Variants in APAF1 observed in about 807,000 individuals in gnomAD.
APAF1 encodes the protein apoptotic peptidase activating factor 1.
Under a neutral mutation model 152.4 loss-of-function variants are expected in APAF1, and 91 were observed. The observed-to-expected ratio is 0.60, with a 90% CI of 0.50 to 0.71. APAF1 has a LOEUF of 0.71. Among genes scored for constraint, APAF1 ranks in the 30% least tolerant of loss-of-function variants. APAF1 has a pLI of 0.00. For missense variants in APAF1, 1,283 were observed against 1,472.0 expected, an observed-to-expected ratio of 0.87 and a Z score of 2.10; for synonymous variants, 484 against 494.1, an observed-to-expected ratio of 0.98 and a Z score of 0.27.
intron 8 of APAF1, 90 bp downstream of exon 8, chr12:98,665,881 AG>A: frequency 8.5e-7 from 1 of 1,180,616 alleles, no homozygotes; most frequent in Non-Finnish European, 1.3e-6. Context: ...GAACCTTGGA[AG>A]GATAAGACCC....
rs770735285 is a variant in APAF1, at chr12:98,708,693, A to C, written c.2830A>C (p.Arg944=). 6.2e-7 allele frequency: 1 copy of C among 1,613,642 alleles called. No homozygotes were observed. The highest frequency in any genetic ancestry group is 1.1e-5 in the South Asian group (1 of 91,002). ...EVMVLAVDHI[R]RLQLINGRTG... ...GATGGTCCTTGCAGTTGACCATATA[A>C]GACGTCTGCAAGTGAGTATTTTTTA... The change falls in exon 20 of 27, where the codon AGA becomes CGA. Residue 944 remains arginine, a synonymous_variant. Transcript: ENST00000551964.
At chr12:98,696,371 C>G (rs1343012970) in intron 16 of APAF1, among the ~76,000 whole-genome samples, 1 of 152,158 alleles carries the variant, frequency 6.6e-6, no homozygotes, top group Non-Finnish European at 1.5e-5. Flanking sequence ...CTCTTGAGAA[C>G]TAATCCATTC....
Position 98,699,429 on chromosome 12 carries a change from A to G in APAF1, c.2326A>G (p.Asn776Asp). 6.2e-7 allele frequency: 1 copy of G among 1,614,138 alleles called. No individual in the cohort carries two copies. The highest frequency in any genetic ancestry group is 8.5e-7 in the Non-Finnish European group (1 of 1,180,010). Reference protein sequence around the residue: ...TLKLWDATSANERKSINVKQF... With the variant: ...TLKLWDATSADERKSINVKQF... The stretch of plus-strand genomic sequence containing the variant: ...AAAGCTTTGGGATGCGACATCAGCA[A>G]ATGAGAGGAAAAGCATTAATGTGAA... The change falls in exon 17 of 27, where the codon AAT becomes GAT. Residue 776 changes from asparagine to aspartate, a missense_variant. Asn to Asp is a conservative substitution (Grantham distance 23, BLOSUM62 1). Transcript: ENST00000551964.
intron 23 of APAF1, 94 bp from the exon 24 acceptor site, chr12:98,723,545 T>C: frequency 8.0e-7 from 1 of 1,245,324 alleles, no homozygotes; most frequent in South Asian, 1.3e-5. Flanking sequence ...TTAAAACTCT[T>C]GTTTTATAGA....
chr12:98,716,381 C>T (rs2097734778), intron 22 of APAF1, among the ~76,000 whole-genome samples: 1 of 152,220 alleles, frequency 6.6e-6, no homozygotes, highest in Non-Finnish European at 1.5e-5. Flanking sequence ...TTAGATCCTT[C>T]CTGTTACTAT....
At chr12:98,680,551 T>A in intron 14 of APAF1, 149 bp downstream of exon 14, 1 of 884,944 alleles carries the variant, frequency 1.1e-6, no homozygotes, top group Non-Finnish European at 1.7e-6. Context: ...ATCTGAAAAT[T>A]CTTTACTTTT....
intron 12 of APAF1, among the ~76,000 whole-genome samples, chr12:98,676,564 T>C (rs901428846): frequency 3.3e-5 from 5 of 152,210 alleles, no homozygotes; most frequent in African/African-American, 1.2e-4. Context: ...GGTGGAATAG[T>C]TGATATTCAT....
chr12:98,673,450 A>AC (rs1412087313), intron 12 of APAF1, among the ~76,000 whole-genome samples: 3 of 151,926 alleles, frequency 2.0e-5, no homozygotes, highest in East Asian at 1.9e-4. Flanking sequence ...AACAAAAAAA[A>AC]AAAAAACAAA....
intron 4 of APAF1, among the ~76,000 whole-genome samples, chr12:98,656,066 A>AGCC (rs1266546245): frequency 6.6e-6 from 1 of 152,036 alleles, no homozygotes; most frequent in Non-Finnish European, 1.5e-5. Context: ...TACAGGCATG[A>AGCC]GCCACCGCGC....
rs913728516 is a variant in APAF1 at position 98,667,548 on chromosome 12, A to G, written c.1398A>G (p.Arg466=). The G allele has an allele frequency of 1.2e-6, 2 of 1,614,064 alleles. No homozygotes were observed. The highest frequency in any genetic ancestry group is 1.7e-6 in the Non-Finnish European group (2 of 1,179,998). The change falls in exon 10 of 27, where the codon AGA becomes AGG. Residue 466 remains arginine (R), a synonymous_variant. Coordinates refer to ENST00000551964, the MANE Select transcript of APAF1 (RefSeq NM_181861.2). ...AGAAGATAATCACTCAGTTTCAGAG[A>G]TATCACCAGCCGCATACTCTTTCAC... The part of the protein sequence containing the change: ...LHKKIITQFQ[R]YHQPHTLSPD...
chr12:98,666,283 G>A lies in APAF1; in HGVS notation c.1288G>A (p.Gly430Arg), dbSNP rs552032520. ...GTCTCTTTTATTCTGTGATCGGAAT[G>A]GAAAGTCGTTTCGTTATTATTTACA... Reference protein sequence around the residue: ...NKSLLFCDRNGKSFRYYLHDL... With the variant: ...NKSLLFCDRNRKSFRYYLHDL... The change falls in exon 9 of 27, where the codon GGA becomes AGA. Residue 430 changes from glycine (G) to arginine (R), a missense_variant. Transcript: ENST00000551964. 3.1e-6 allele frequency: 5 copies of A among 1,613,764 alleles called. No homozygotes were observed. The Admixed American group carries it at 8.3e-5, about 27-fold the overall frequency.
intron 4 of APAF1, among the ~76,000 whole-genome samples, chr12:98,654,785 G>A (rs1181198207): frequency 8.1e-6 from 1 of 123,316 alleles, no homozygotes; most frequent in Non-Finnish European, 1.8e-5. Context: ...GTCTGTTTTT[G>A]TTTGTTTAAA....
chr12:98,666,097 A>T, intron 8 of APAF1, 93 bp from the exon 9 acceptor site: 2 of 1,214,212 alleles, frequency 1.6e-6, no homozygotes, highest in Non-Finnish European at 2.4e-6. Context: ...TCAGGGCTTT[A>T]AGATACCGTT....
chr12:98,680,179 A>C (rs2097690820), intron 13 of APAF1, 98 bp from the exon 14 acceptor site: 1 of 1,341,104 alleles, frequency 7.5e-7, no homozygotes, highest in African/African-American at 1.5e-5. Flanking sequence ...TCTGTTTTGC[A>C]AAATGACAAT....
At chr12:98,662,142 G>A (rs897046927) in intron 5 of APAF1, among the ~76,000 whole-genome samples, 5 of 143,392 alleles carry the variant, frequency 3.5e-5, no homozygotes, top group African/African-American at 1.3e-4. Context: ...GGATAGTAAT[G>A]GTCGCTTTTT....
intron 4 of APAF1, among the ~76,000 whole-genome samples, chr12:98,653,250 CCTTTT>C (rs1231684562): frequency 2.0e-5 from 3 of 151,958 alleles, no homozygotes; most frequent in Non-Finnish European, 2.9e-5. Flanking sequence ...TATTGCAAAA[CCTTTT>C]CTTTTAAAAG....
intron 26 of APAF1, among the ~76,000 whole-genome samples, chr12:98,729,068 G>A (rs1027026842): frequency 1.3e-5 from 2 of 152,226 alleles, no homozygotes; most frequent in African/African-American, 4.8e-5. Context: ...CTAAAGTTTA[G>A]AAGGGGTCTG....
intron 7 of APAF1, 118 bp from the exon 8 acceptor site, chr12:98,665,435 A>G (rs2097671445): frequency 3.8e-6 from 3 of 786,232 alleles, no homozygotes; most frequent in Non-Finnish European, 6.7e-6. Flanking sequence ...ATAAATACTT[A>G]AGGCTTTTGA....
At chr12:98,649,216 G>A (rs1371472725) in intron 3 of APAF1, 3 of 984,072 alleles carry the variant, frequency 3.0e-6, no homozygotes, top group Non-Finnish European at 3.6e-6. Context: ...ATATGAGAGG[G>A]AATGAAAAGT....
Sources: gnomAD v4.1 joint callset for allele counts (sites outside exome capture counted in the v4.1 genomes callset) on GRCh38, gnomAD v4.1.1 for gene constraint, MANE v1.5 for transcripts, NCBI Gene and HGNC (gene_info 2026-07-23, HGNC 2026-07-21) for gene names.